Variants in PPFIA2 observed in about 807,000 individuals in gnomAD.
PPFIA2 encodes liprin-alpha-2.
In PPFIA2, 46 loss-of-function variants were observed where a neutral mutation model predicts 175.5. The ratio of observed to expected loss-of-function variants is 0.26; its 90% CI spans 0.21 to 0.34. The LOEUF (loss-of-function observed/expected upper bound fraction) is 0.34. PPFIA2 is among the 10% of genes least tolerant of loss of function. PPFIA2 has a pLI of 1.00. For missense variants in PPFIA2, 1,179 were observed against 1,506.1 expected, an observed-to-expected ratio of 0.78 and a Z score of 3.60; for synonymous variants, 568 against 511.4, an observed-to-expected ratio of 1.11 and a Z score of -1.49.
At chr12:81,630,888 T>C (rs1211179124) in intron 4 of PPFIA2, among the ~76,000 whole-genome samples, 2 of 61,316 alleles carry the variant, frequency 3.3e-5, no homozygotes, top group Admixed American at 1.4e-4. Flanking sequence ...AGGCTATATA[T>C]ATATATATAT....
chr12:81,625,627 G>T (rs1483885827), intron 4 of PPFIA2, among the ~76,000 whole-genome samples: 5 of 151,558 alleles, frequency 3.3e-5, no homozygotes, highest in African/African-American at 1.2e-4. Flanking sequence ...GAATTTTAAT[G>T]ACACAAACCT....
rs1335497859 is a variant in PPFIA2, at chr12:81,746,569, AAC to A, written c.249+7402_249+7403del. Among the ~76,000 whole-genome samples, 3 of 144,300 alleles carry A rather than the reference AAC, an allele frequency of 2.1e-5. 1 individual carries two copies. The East Asian group carries it at 6.4e-4, about 31-fold the overall frequency. The allele number at this position is 144,300 out of a possible 152,430, so 94.7% of individuals were successfully genotyped here. A position where few individuals can be genotyped will look rare whatever the true frequency, so the allele number is the denominator to read the frequency against. On this transcript the variant is annotated intron_variant, in intron 3 of 32. Transcript: ENST00000549396. The stretch of plus-strand genomic sequence containing the variant: ...AAAAATAAGTTGAAAACTAAAGGGA[AAC>A]ACAGAGTCAAGGGACTTTTTTGTTG...
In PPFIA2 at chr12:81,375,245, G is replaced by A. The variant is rs114361049; in HGVS notation, c.1132-477C>T. 9.6e-3 allele frequency among the ~76,000 whole-genome samples: 1,459 copies of A among 152,230 alleles called. 18 individuals are homozygous for A. The highest frequency in any genetic ancestry group is 0.034 in the African/African-American group (1,398 of 41,542). On this transcript the variant is annotated intron_variant, in intron 10 of 32. Transcript: ENST00000549396. ...GCCTCAATCCCAAATACTCAACTGC[G>A]TTGTAGCACAAAAACAGTCATAGAC...
chr12:81,600,701 T>C (rs1389995307), intron 4 of PPFIA2, among the ~76,000 whole-genome samples: 3 of 152,034 alleles, frequency 2.0e-5, no homozygotes, highest in Admixed American at 1.3e-4. Flanking sequence ...ATATTCTAGA[T>C]ACGTGTTAGG....
chr12:81,466,044 A>G (rs1306463319), intron 4 of PPFIA2, among the ~76,000 whole-genome samples: 1 of 152,154 alleles, frequency 6.6e-6, no homozygotes, highest in African/African-American at 2.4e-5. Flanking sequence ...TGTGCAAAAC[A>G]GTAATGTCTC....
intron 22 of PPFIA2, among the ~76,000 whole-genome samples, chr12:81,304,254 G>A (rs1047290548): frequency 6.6e-6 from 1 of 152,112 alleles, no homozygotes; most frequent in Non-Finnish European, 1.5e-5. Context: ...CTGACTCCAT[G>A]GGCTTGACAG....
intron 3 of PPFIA2, among the ~76,000 whole-genome samples, chr12:81,710,717 T>A (rs1030635058): frequency 4.0e-5 from 6 of 151,634 alleles, no homozygotes; most frequent in Non-Finnish European, 7.4e-5. Context: ...ATATAATATT[T>A]TAAATAATTT....
At chr12:81,570,193 G>T in intron 4 of PPFIA2, among the ~76,000 whole-genome samples, 1 of 152,144 alleles carries the variant, frequency 6.6e-6, no homozygotes, top group Admixed American at 6.5e-5. Flanking sequence ...ATGATGTATT[G>T]AAAGATAAGT....
intron 4 of PPFIA2, among the ~76,000 whole-genome samples, chr12:81,479,431 G>A (rs2057914336): frequency 6.6e-6 from 1 of 152,110 alleles, no homozygotes; most frequent in Admixed American, 6.6e-5. Context: ...TACATTTAAG[G>A]TTAATATTTT....
At chr12:81,710,451 A>G (rs2077744090) in intron 3 of PPFIA2, among the ~76,000 whole-genome samples, 1 of 152,090 alleles carries the variant, frequency 6.6e-6, no homozygotes, top group African/African-American at 2.4e-5. Context: ...GAAGTTTTAA[A>G]TTTTGTTTAA....
chr12:81,686,389 A>C (rs2074423527), intron 3 of PPFIA2, among the ~76,000 whole-genome samples: 1 of 152,100 alleles, frequency 6.6e-6, no homozygotes, highest in Non-Finnish European at 1.5e-5. Flanking sequence ...CAAAGGCACA[A>C]GTGTTTCAAT....
intron 4 of PPFIA2, among the ~76,000 whole-genome samples, chr12:81,511,076 C>A (rs2061731623): frequency 6.6e-6 from 1 of 152,080 alleles, no homozygotes; most frequent in Admixed American, 6.6e-5. Context: ...ATAAGATTTT[C>A]ATTGCAAGAT....
intron 5 of PPFIA2, among the ~76,000 whole-genome samples, chr12:81,453,933 A>C (rs554119804): frequency 6.6e-6 from 1 of 152,322 alleles, no homozygotes; most frequent in South Asian, 2.1e-4. Flanking sequence ...AAAAATTTAA[A>C]TAGGCCAGGA....
chr12:81,663,099 C>G (rs534608832), intron 4 of PPFIA2, among the ~76,000 whole-genome samples: 5 of 151,490 alleles, frequency 3.3e-5, no homozygotes, highest in Admixed American at 6.6e-5. Flanking sequence ...CAATATCATA[C>G]TGGAAGGCAT....
chr12:81,392,545 G>A (rs1453664033), intron 8 of PPFIA2, among the ~76,000 whole-genome samples: 1 of 151,748 alleles, frequency 6.6e-6, no homozygotes, highest in African/African-American at 2.4e-5. Context: ...CTCTTCAATT[G>A]TTACTTTATC....
At chr12:81,514,859 TC>T (rs2062211336) in intron 4 of PPFIA2, among the ~76,000 whole-genome samples, 1 of 151,964 alleles carries the variant, frequency 6.6e-6, no homozygotes, top group Admixed American at 6.6e-5. Flanking sequence ...CATTTATTAT[TC>T]TATGACATTT....
intron 3 of PPFIA2, among the ~76,000 whole-genome samples, chr12:81,704,249 G>A (rs1417202860): frequency 6.6e-6 from 1 of 152,076 alleles, no homozygotes; most frequent in East Asian, 1.9e-4. Flanking sequence ...TTGTGTAGTA[G>A]AGTTTCAATA....
intron 32 of PPFIA2, among the ~76,000 whole-genome samples, chr12:81,261,424 C>T (rs2035491479): frequency 6.6e-6 from 1 of 152,026 alleles, no homozygotes. Flanking sequence ...ACCATGTTGG[C>T]CAGGCTGGTC....
At chr12:81,520,063 T>C (rs1181759705) in intron 4 of PPFIA2, among the ~76,000 whole-genome samples, 6 of 152,170 alleles carry the variant, frequency 3.9e-5, no homozygotes, top group African/African-American at 1.4e-4. Context: ...TGATGTGAGA[T>C]GATATAATGT....
Sources: allele counts gnomAD v4.1 joint callset (sites outside exome capture counted in the v4.1 genomes callset), GRCh38; gene constraint gnomAD v4.1.1; transcripts MANE v1.5; gene names NCBI Gene and HGNC (gene_info 2026-07-23, HGNC 2026-07-21).